SORCS1: variants seen among roughly 807,000 people sequenced by gnomAD.
SORCS1 encodes sortilin related VPS10 domain containing receptor 1, also known as VPS10 domain-containing receptor SorCS1.
In SORCS1, 60 loss-of-function variants were observed where a neutral mutation model predicts 146.1. That is an observed-to-expected ratio of 0.41 (90% CI 0.33 to 0.51). The LOEUF (loss-of-function observed/expected upper bound fraction) is 0.51. Among genes scored for constraint, SORCS1 ranks in the 20% least tolerant of loss-of-function variants. The pLI is 0.21. For synonymous variants in SORCS1, 637 were observed against 584.0 expected, an observed-to-expected ratio of 1.09 and a Z score of -1.31; for missense variants, 1,352 against 1,487.6, an observed-to-expected ratio of 0.91 and a Z score of 1.50.
intron 1 of SORCS1, among the ~76,000 whole-genome samples, chr10:107,080,195 A>T (rs889284247): frequency 1.3e-5 from 2 of 152,190 alleles, no homozygotes; most frequent in African/African-American, 4.8e-5. Context: ...CCAATGAATG[A>T]CAAAACCTCC....
intron 3 of SORCS1, among the ~76,000 whole-genome samples, chr10:106,825,273 T>C (rs1215889149): frequency 6.8e-6 from 1 of 147,936 alleles, no homozygotes; most frequent in Non-Finnish European, 1.5e-5. Context: ...TTTCAACTTT[T>C]TTTTTTTTTT....
At chr10:106,854,813 C>G (rs1417569942) in intron 2 of SORCS1, among the ~76,000 whole-genome samples, 9 of 151,902 alleles carry the variant, frequency 5.9e-5, no homozygotes, top group Non-Finnish European at 1.0e-4. Flanking sequence ...ATAAGCATAC[C>G]TAAGTGTGTA....
intron 1 of SORCS1, among the ~76,000 whole-genome samples, chr10:107,104,633 G>A (rs1965178739): frequency 6.6e-6 from 1 of 152,184 alleles, no homozygotes; most frequent in African/African-American, 2.4e-5. Context: ...TCCAGGGAGG[G>A]ATGGCTGAAA....
intron 2 of SORCS1, among the ~76,000 whole-genome samples, chr10:106,830,105 G>C (rs933034150): frequency 6.6e-6 from 1 of 152,126 alleles, no homozygotes; most frequent in African/African-American, 2.4e-5. Flanking sequence ...GGAATATATG[G>C]TGGGTCAGTC....
chr10:107,020,450 C>A (rs531062630), intron 1 of SORCS1, among the ~76,000 whole-genome samples: 1 of 152,080 alleles, frequency 6.6e-6, no homozygotes. Context: ...AACTTTTGTT[C>A]GTATAGATGT....
intron 10 of SORCS1, among the ~76,000 whole-genome samples, chr10:106,687,868 A>T (rs1250726901): frequency 6.6e-6 from 1 of 152,186 alleles, no homozygotes; most frequent in Non-Finnish European, 1.5e-5. Flanking sequence ...CTCATGAGAA[A>T]ATAGGTTGTT....
intron 18 of SORCS1, among the ~76,000 whole-genome samples, chr10:106,637,945 C>A (rs1848824053): frequency 6.6e-6 from 1 of 152,096 alleles, no homozygotes; most frequent in South Asian, 2.1e-4. Flanking sequence ...TACTTGGTGT[C>A]TGGTTTAAAA....
rs189378628 is a variant in SORCS1, at chr10:107,001,578, C to T, written c.559-44998G>A. Reference sequence around the variant, plus strand: ...TCCCGGGTTCAAGCGATTCTCCTGCCTCAGCCTCCCATGTAGTTGGGATTA... The same window carrying T: ...TCCCGGGTTCAAGCGATTCTCCTGCTTCAGCCTCCCATGTAGTTGGGATTA... On this transcript the variant is annotated intron_variant, in intron 1 of 25. Transcript: ENST00000263054. 5.6e-4 allele frequency among the ~76,000 whole-genome samples: 85 copies of T among 152,296 alleles called. 3 individuals carry two copies. Among genetic ancestry groups the T allele is most frequent in the Admixed American group, 5.6e-3 (85 of 15,292 alleles).
chr10:106,728,545 T>A (rs560174431), intron 6 of SORCS1, among the ~76,000 whole-genome samples: 3 of 152,244 alleles, frequency 2.0e-5, no homozygotes, highest in Admixed American at 6.5e-5. Flanking sequence ...CCCAACTGAC[T>A]CTGTCAAAAA....
chr10:106,741,830 C>T (rs1857388468), intron 5 of SORCS1, among the ~76,000 whole-genome samples: 1 of 152,106 alleles, frequency 6.6e-6, no homozygotes, highest in Non-Finnish European at 1.5e-5. Flanking sequence ...TTTGCAGTCA[C>T]TTGCAAAATG....
At chr10:106,821,110 A>T (rs548599854) in intron 3 of SORCS1, among the ~76,000 whole-genome samples, 1 of 152,346 alleles carries the variant, frequency 6.6e-6, no homozygotes, top group African/African-American at 2.4e-5. Context: ...GTCAGCTTCC[A>T]AAAGGTTTCC....
At chr10:106,860,715 T>A (rs1949974822) in intron 2 of SORCS1, among the ~76,000 whole-genome samples, 1 of 152,218 alleles carries the variant, frequency 6.6e-6, no homozygotes, top group Non-Finnish European at 1.5e-5. Context: ...ATTCGTAGAA[T>A]GATGGCAGTG....
At chr10:106,941,492 A>AC (rs1358204749) in intron 2 of SORCS1, among the ~76,000 whole-genome samples, 1 of 152,194 alleles carries the variant, frequency 6.6e-6, no homozygotes, top group East Asian at 1.9e-4. Context: ...CCACGTGCTG[A>AC]CCCATGACAT....
At chr10:106,921,602 C>G (rs183933894) in intron 2 of SORCS1, among the ~76,000 whole-genome samples, 4 of 152,248 alleles carry the variant, frequency 2.6e-5, no homozygotes, top group African/African-American at 9.6e-5. Context: ...TGCTTAATAA[C>G]TCAGTGCAAG....
intron 1 of SORCS1, among the ~76,000 whole-genome samples, chr10:107,075,622 T>C (rs1962812299): frequency 6.6e-6 from 1 of 152,120 alleles, no homozygotes; most frequent in Non-Finnish European, 1.5e-5. Flanking sequence ...TTCATATGCT[T>C]CTAAAGTTAC....
intron 2 of SORCS1, among the ~76,000 whole-genome samples, chr10:106,886,264 AAACAACAACAAC>A (rs778803742): frequency 6.6e-6 from 1 of 151,950 alleles, no homozygotes. Flanking sequence ...CTCTGTTTCA[AAACAACAACAAC>A]AACAACAACA....
intron 2 of SORCS1, among the ~76,000 whole-genome samples, chr10:106,834,649 C>T (rs1450400068): frequency 1.3e-5 from 2 of 152,018 alleles, no homozygotes; most frequent in East Asian, 3.9e-4. Flanking sequence ...CCTGGACTAA[C>T]CATAAAGTGA....
chr10:107,006,897 A>G (rs755940913), intron 1 of SORCS1, among the ~76,000 whole-genome samples: 3 of 149,414 alleles, frequency 2.0e-5, no homozygotes, highest in Admixed American at 6.6e-5. Context: ...TTTTAAATTT[A>G]TATTTTCATT....
intron 18 of SORCS1, among the ~76,000 whole-genome samples, chr10:106,629,802 T>C (rs1011964755): frequency 6.6e-6 from 1 of 152,090 alleles, no homozygotes; most frequent in African/African-American, 2.4e-5. Flanking sequence ...TCCCAGCACT[T>C]TGGGAGGCTG....
Sources: allele counts gnomAD v4.1 joint callset (sites outside exome capture counted in the v4.1 genomes callset), GRCh38; gene constraint gnomAD v4.1.1; transcripts MANE v1.5; gene names NCBI Gene and HGNC (gene_info 2026-07-23, HGNC 2026-07-21).